Variants in DLG1 observed in about 807,000 individuals in gnomAD.
DLG1 encodes the protein discs large MAGUK scaffold protein 1.
In DLG1, 42 loss-of-function variants were observed where a neutral mutation model predicts 123.4. The observed-to-expected ratio is 0.34, with a 90% CI of 0.27 to 0.44. The LOEUF (loss-of-function observed/expected upper bound fraction) is 0.44. DLG1 is among the 20% of genes least tolerant of loss of function. The pLI is 1.00. For missense variants in DLG1, 942 were observed against 1,082.6 expected (o/e 0.87, Z 1.82); for synonymous variants, 317 against 356.2 (o/e 0.89, Z 1.24).
At chr3:197,098,149 G>A (rs1368925331) in intron 14 of DLG1, among the ~76,000 whole-genome samples, 1 of 152,128 alleles carries the variant, frequency 6.6e-6, no homozygotes, top group Non-Finnish European at 1.5e-5. Context: ...TTAGCCCTGA[G>A]TTCCGAGTTC....
rs541393602 is a variant in DLG1 at position 197,043,401 on chromosome 3, T to C, written c.*1222A>G. ...AACCTTTGTAGAAAAGAGGAGAATA[T>C]GCCCACACTTTTACTTATAATCTAA... On this transcript the variant is annotated 3_prime_UTR_variant, in exon 25 of 25. Transcript: ENST00000667157. 56 of 152,268 alleles carry C rather than the reference T, an allele frequency of 3.7e-4. No homozygotes were observed. Among genetic ancestry groups the C allele is most frequent in the African/African-American group, 1.3e-3 (54 of 41,556 alleles). The allele number at this position is 152,268 out of a possible 1,614,324, so 9.4% of individuals were successfully genotyped here. A position where few individuals can be genotyped will look rare whatever the true frequency, so the allele number is the denominator to read the frequency against.
intron 3 of DLG1, among the ~76,000 whole-genome samples, chr3:197,288,061 A>C (rs1772687045): frequency 6.6e-6 from 1 of 152,138 alleles, no homozygotes; most frequent in African/African-American, 2.4e-5. Context: ...AAACCATTAA[A>C]AAAACTACAG....
intron 13 of DLG1, among the ~76,000 whole-genome samples, chr3:197,114,986 GGAAA>G (rs1772355581): frequency 6.2e-5 from 2 of 32,448 alleles, no homozygotes; most frequent in African/African-American, 3.2e-4. Flanking sequence ...TCCATCTCAA[GGAAA>G]AAAAAAAAAA....
At chr3:197,190,240 T>C (rs1718530749) in intron 5 of DLG1, among the ~76,000 whole-genome samples, 1 of 152,134 alleles carries the variant, frequency 6.6e-6, no homozygotes, top group East Asian at 1.9e-4. Context: ...GTCAGAAGTT[T>C]ACTTGTAAAT....
chr3:197,175,988 T>C (rs1806828246), intron 5 of DLG1, among the ~76,000 whole-genome samples: 1 of 152,120 alleles, frequency 6.6e-6, no homozygotes, highest in Non-Finnish European at 1.5e-5. Context: ...TTAGAATATA[T>C]AAATTATAGC....
intron 4 of DLG1, among the ~76,000 whole-genome samples, chr3:197,207,370 A>T (rs1436884897): frequency 6.6e-6 from 1 of 152,236 alleles, no homozygotes; most frequent in Admixed American, 6.5e-5. Flanking sequence ...GGCTTTACCA[A>T]ATGAAAAGAA....
chr3:197,185,720 G>C (rs1715526313), intron 5 of DLG1, among the ~76,000 whole-genome samples: 4 of 152,172 alleles, frequency 2.6e-5, no homozygotes. Context: ...CATGTCTGAT[G>C]AAAACTTCAA....
intron 8 of DLG1, 71 bp from the exon 9 acceptor site, chr3:197,138,462 T>C (rs1245007986): frequency 3.7e-6 from 3 of 806,806 alleles, no homozygotes; most frequent in Non-Finnish European, 4.9e-6. Flanking sequence ...ACTTTACCAA[T>C]TTTTTGTTAC....
At chr3:197,279,258 A>T (rs1167801688) in intron 4 of DLG1, among the ~76,000 whole-genome samples, 2 of 152,222 alleles carry the variant, frequency 1.3e-5, no homozygotes, top group Admixed American at 6.5e-5. Flanking sequence ...CAGGTTTTTT[A>T]AAAAATCATT....
At chr3:197,075,774 C>G (rs1746835372) in intron 18 of DLG1, 1 of 1,425,242 alleles carries the variant, frequency 7.0e-7, no homozygotes, top group African/African-American at 1.4e-5. Context: ...CAAAATGTAT[C>G]TGAATAAGGT....
chr3:197,215,492 A>C (rs1190030804), intron 4 of DLG1, among the ~76,000 whole-genome samples: 1 of 152,202 alleles, frequency 6.6e-6, no homozygotes, highest in Non-Finnish European at 1.5e-5. Flanking sequence ...TAGTCAAAAC[A>C]AGACAAGAAA....
intron 13 of DLG1, among the ~76,000 whole-genome samples, chr3:197,113,375 G>A (rs1276032786): frequency 6.6e-6 from 1 of 152,098 alleles, no homozygotes; most frequent in African/African-American, 2.4e-5. Context: ...ATCTCCAAAT[G>A]TGACTGTAGA....
chr3:197,231,206 G>A (rs436564), intron 4 of DLG1, among the ~76,000 whole-genome samples: 85,567 of 152,054 alleles, frequency 0.56, 24,624 homozygotes, highest in East Asian at 0.79. Context: ...CTTAAATTAC[G>A]TGAAGAATTA....
chr3:197,228,925 CA>C (rs1741372576), intron 4 of DLG1, among the ~76,000 whole-genome samples: 1 of 151,948 alleles, frequency 6.6e-6, no homozygotes, highest in South Asian at 2.1e-4. Flanking sequence ...GAAAAAGAGG[CA>C]AAAAAATTGG....
chr3:197,183,490 A>C (rs1407783566), intron 5 of DLG1: 3 of 1,246,154 alleles, frequency 2.4e-6, no homozygotes, highest in Non-Finnish European at 3.3e-6. Context: ...CTATTCTTTA[A>C]ATAAAAAATC....
intron 5 of DLG1, among the ~76,000 whole-genome samples, chr3:197,153,634 A>G (rs1360401667): frequency 6.6e-5 from 10 of 152,138 alleles, no homozygotes; most frequent in Non-Finnish European, 1.5e-4. Context: ...CTTCCAGGAG[A>G]TTGAAAGAGC....
intron 6 of DLG1, among the ~76,000 whole-genome samples, chr3:197,145,181 G>T (rs999252642): frequency 5.9e-5 from 9 of 152,226 alleles, no homozygotes; most frequent in East Asian, 1.9e-4. Context: ...TTGACAGGAA[G>T]TCCTTTGTTA....
At chr3:197,127,886 C>T (rs1356104632) in intron 11 of DLG1, among the ~76,000 whole-genome samples, 5 of 143,754 alleles carry the variant, frequency 3.5e-5, no homozygotes, top group Non-Finnish European at 7.6e-5. Flanking sequence ...ATACAATGTA[C>T]AGGCCTTAAT....
chr3:197,085,584 G>A lies in DLG1; in HGVS notation c.1834C>T (p.Arg612Cys), dbSNP rs1370279637. The change falls in exon 16 of 25, where the codon CGC becomes TGC. Residue 612 changes from arginine (R) to cysteine (C), a missense_variant. By Grantham distance (180) the Arg-to-Cys change is radical. Transcript: ENST00000667157. ...SDEVGVIPSK[R>C]RVEKKERARL... is the part of the protein sequence containing the mutation. ...AGTGGTAAGAAACAGGCATACCTGC[G>A]TTTACTGGGAATCACTCCGACCTCA... 5 of 1,613,728 alleles carry A rather than the reference G, an allele frequency of 3.1e-6. No individual in the cohort carries two copies. Among genetic ancestry groups the A allele is most frequent in the East Asian group, 2.2e-5 (1 of 44,862 alleles).
Sources: allele counts gnomAD v4.1 joint callset (sites outside exome capture counted in the v4.1 genomes callset), GRCh38; gene constraint gnomAD v4.1.1; transcripts MANE v1.5; gene names NCBI Gene and HGNC (gene_info 2026-07-23, HGNC 2026-07-21).